The following CEPT1 variants were observed in gnomAD, a reference collection of about 807,000 sequenced individuals.
CEPT1 encodes choline/ethanolaminephosphotransferase 1.
A neutral mutation model predicts 42.6 loss-of-function variants in CEPT1; 7 were observed. The ratio of observed to expected loss-of-function variants is 0.16; its 90% CI spans 0.09 to 0.31. The LOEUF is 0.31. CEPT1 is among the 10% of genes least tolerant of loss of function. The pLI, the probability that CEPT1 is intolerant of heterozygous loss-of-function variation, is 1.00. For synonymous variants in CEPT1, 171 were observed against 171.9 expected (o/e 0.99, Z 0.04); for missense variants, 306 against 502.1 (o/e 0.61, Z 3.73).
intron 3 of CEPT1, chr1:111,160,651 A>G (rs1417410097): frequency 6.6e-6 from 1 of 152,670 alleles, no homozygotes; most frequent in Non-Finnish European, 1.5e-5. Flanking sequence ...CCTATTATTT[A>G]TTTTAAATTG....
Position 111,148,114 on chromosome 1 carries a change from C to T in CEPT1, c.339+61C>T, listed in dbSNP as rs1370835159. ...ATACCAAAAACGTTGTAATTGGGAT[C>T]GTGGGGTCATTTTAACTAAAGATAA... On this transcript the variant is annotated intron_variant, in intron 2 of 8. Coordinates refer to ENST00000357172, the MANE Select transcript of CEPT1 (RefSeq NM_006090.5). 18 of 1,270,130 alleles carry T rather than the reference C, an allele frequency of 1.4e-5. No homozygotes were observed. In the Admixed American group the frequency reaches 2.0e-4, roughly 14 times the overall value. 78.7% of individuals were successfully genotyped at this position (1,270,130 alleles called of 1,614,324 possible).
At position 111,184,847 on chromosome 1, in the gene CEPT1, C is replaced by CTTTTTTT. The variant is rs34173256; in HGVS notation, c.*553_*559dup. 1 of 116,498 alleles carries CTTTTTTT rather than the reference C, an allele frequency of 8.6e-6. No homozygotes were observed. The highest frequency in any genetic ancestry group is 3.2e-5 in the African/African-American group (1 of 31,102). The allele number at this position is 116,498 out of a possible 1,614,324, so 7.2% of individuals were successfully genotyped here. A position where few individuals can be genotyped will look rare whatever the true frequency, so the allele number is the denominator to read the frequency against. On this transcript the variant is annotated 3_prime_UTR_variant, in exon 9 of 9. Coordinates refer to ENST00000357172, the MANE Select transcript of CEPT1 (RefSeq NM_006090.5). ...CTATCTTTACATTGTTGAGGAAGTC[C>CTTTTTTT]TTTTTTTTTTTTTTTTTTTTTTAAT...
chr1:111,157,090 C>T (rs1028234277), intron 2 of CEPT1, among the ~76,000 whole-genome samples: 1 of 152,108 alleles, frequency 6.6e-6, no homozygotes, highest in African/African-American at 2.4e-5. Context: ...TCTTAAAATA[C>T]CTCTGAGAAG....
chr1:111,169,890 G>A (rs1293236097), intron 4 of CEPT1, among the ~76,000 whole-genome samples: 1 of 152,082 alleles, frequency 6.6e-6, no homozygotes, highest in East Asian at 1.9e-4. Flanking sequence ...TCTCTTCAAG[G>A]TTATTTTCTT....
At chr1:111,159,753 C>A in intron 3 of CEPT1, 1 of 358,038 alleles carries the variant, frequency 2.8e-6, no homozygotes, top group Non-Finnish European at 5.0e-6. Flanking sequence ...ATTGTTTTGG[C>A]ATCTTTTGTT....
In CEPT1 at chr1:111,164,865, T is replaced by C. The variant is rs189011038; in HGVS notation, c.629+3569T>C. Among the ~76,000 whole-genome samples the C allele has an allele frequency of 1.7e-4, 26 of 151,478 alleles. No individual in the cohort carries two copies. The East Asian group carries it at 2.0e-3, about 11-fold the overall frequency. ...GTCTCGATCTCCTGACCTCGTGATC[T>C]GCCCACCTTGGCCTCCCAAAGTGCT... is the stretch of plus-strand genomic sequence containing the variant. On this transcript the variant is annotated intron_variant, in intron 4 of 8. Coordinates refer to ENST00000357172, the MANE Select transcript of CEPT1 (RefSeq NM_006090.5).
rs576259960 is a variant in CEPT1, at chr1:111,147,821, T to C, written c.107T>C (p.Phe36Ser). 1 of 1,614,100 alleles carries C rather than the reference T, an allele frequency of 6.2e-7. No individual in the cohort carries two copies. The highest frequency in any genetic ancestry group is 2.2e-5 in the East Asian group (1 of 44,884). Reference sequence around the variant, plus strand: ...ACAGGATGTGTATTAAATAAATTGTTTCAGTTACCAACACCACCATTGTCA... The same window carrying C: ...ACAGGATGTGTATTAAATAAATTGTCTCAGTTACCAACACCACCATTGTCA... ...STTGCVLNKLFQLPTPPLSRH... is the reference protein window; with the variant it reads ...STTGCVLNKLSQLPTPPLSRH... Residue 36 changes from phenylalanine (F) to serine (S), a missense_variant, in exon 2 of 9, where the codon TTT (phenylalanine) becomes TCT (serine). Physicochemically the swap from Phe to Ser is radical, Grantham distance 155. Around this residue, in one of 2 missense-constraint regions of CEPT1, gnomAD observed 53 missense variants for 54.8 expected, o/e 0.97. Transcript: ENST00000357172.
At chr1:111,169,072 A>G (rs955985254) in intron 4 of CEPT1, among the ~76,000 whole-genome samples, 2 of 152,200 alleles carry the variant, frequency 1.3e-5, no homozygotes, top group South Asian at 4.1e-4. Flanking sequence ...TTGTTATACT[A>G]TAATGTTTAG....
intron 4 of CEPT1, among the ~76,000 whole-genome samples, chr1:111,171,373 A>G (rs1219076882): frequency 6.6e-6 from 1 of 152,210 alleles, no homozygotes; most frequent in Non-Finnish European, 1.5e-5. Context: ...CACTCCAACT[A>G]AAGAGATGCT....
intron 1 of CEPT1, among the ~76,000 whole-genome samples, chr1:111,142,381 G>A (rs1375183388): frequency 6.6e-6 from 1 of 152,094 alleles, no homozygotes; most frequent in South Asian, 2.1e-4. Flanking sequence ...CCCTTTTTGA[G>A]TTTCTTAAAG....
intron 4 of CEPT1, among the ~76,000 whole-genome samples, chr1:111,166,561 A>G (rs1656153874): frequency 6.6e-6 from 1 of 152,136 alleles, no homozygotes; most frequent in Non-Finnish European, 1.5e-5. Flanking sequence ...AATAGAAGTT[A>G]CTCTTGATTA....
chr1:111,150,046 G>A (rs1480757587), intron 2 of CEPT1, among the ~76,000 whole-genome samples: 1 of 152,220 alleles, frequency 6.6e-6, no homozygotes, highest in Non-Finnish European at 1.5e-5. Flanking sequence ...CAGAATGGCT[G>A]CTAGGAGGAA....
rs955207339 is a variant in CEPT1 at position 111,185,070 on chromosome 1, G to A, written c.*760G>A. 2.6e-5 allele frequency: 4 copies of A among 152,332 alleles called. No homozygotes were observed. Among genetic ancestry groups the A allele is most frequent in the Non-Finnish European group, 5.9e-5 (4 of 67,942 alleles). The allele number at this position is 152,332 out of a possible 1,614,324, so 9.4% of individuals were successfully genotyped here. A position where few individuals can be genotyped will look rare whatever the true frequency, so the allele number is the denominator to read the frequency against. ...TTAAATTTAAGCAAAATTTATTTCT[G>A]TTCTTTAATAAATAAGAAAATGTGG... On this transcript the variant is annotated 3_prime_UTR_variant, in exon 9 of 9. Transcript: ENST00000357172.
At chr1:111,145,598 A>C (rs944433486) in intron 1 of CEPT1, among the ~76,000 whole-genome samples, 1 of 152,068 alleles carries the variant, frequency 6.6e-6, no homozygotes, top group Non-Finnish European at 1.5e-5. Context: ...GCTGGTACCT[A>C]CTTGTCCATG....
intron 1 of CEPT1, among the ~76,000 whole-genome samples, chr1:111,146,873 ATTG>A (rs1189113817): frequency 6.8e-6 from 1 of 146,838 alleles, no homozygotes; most frequent in Non-Finnish European, 1.5e-5. Flanking sequence ...AATTTTTTTC[ATTG>A]TTGTATATCT....
chr1:111,161,620 C>T (rs75411948), intron 4 of CEPT1, among the ~76,000 whole-genome samples: 4 of 152,210 alleles, frequency 2.6e-5, no homozygotes, highest in African/African-American at 9.6e-5. Flanking sequence ...TTTATTTTCA[C>T]ATATAAAAAT....
rs1655052368 is a variant in CEPT1, at chr1:111,147,778, T to C, written c.64T>C (p.Phe22Leu). The C allele has an allele frequency of 6.2e-7, 1 of 1,614,162 alleles. No individual in the cohort carries two copies. The highest frequency in any genetic ancestry group is 8.5e-7 in the Non-Finnish European group (1 of 1,180,020). ...TTCTCACCCGGAGTCCCCAGTGGGCTTCGGGCATATGAGTACTACAGGATG... is the reference window on the plus strand; with the variant it reads ...TTCTCACCCGGAGTCCCCAGTGGGCCTCGGGCATATGAGTACTACAGGATG... ...GDSHPESPVG[F>L]GHMSTTGCVL... Residue 22 changes from phenylalanine (F) to leucine (L), a missense_variant, in exon 2 of 9, where the codon TTC becomes CTC. This residue lies in a region of CEPT1 where 53 missense variants were observed against 54.8 expected (regional missense o/e 0.97). Coordinates refer to ENST00000357172, the MANE Select transcript of CEPT1 (RefSeq NM_006090.5).
At chr1:111,168,276 G>GA (rs1370476656) in intron 4 of CEPT1, among the ~76,000 whole-genome samples, 1 of 151,814 alleles carries the variant, frequency 6.6e-6, no homozygotes, top group Non-Finnish European at 1.5e-5. Context: ...TTTAGCATAA[G>GA]AAAAAATAGG....
intron 2 of CEPT1, among the ~76,000 whole-genome samples, chr1:111,151,073 G>A (rs1655242911): frequency 6.6e-6 from 1 of 151,994 alleles, no homozygotes; most frequent in Non-Finnish European, 1.5e-5. Flanking sequence ...GCCCTCAGGA[G>A]GTCCTGAGAA....
Sources: gnomAD v4.1 joint callset for allele counts (sites outside exome capture counted in the v4.1 genomes callset) on GRCh38, gnomAD v4.1.1 for gene constraint, gnomAD v4.1.1 regional missense constraint, MANE v1.5 for transcripts, NCBI Gene and HGNC (gene_info 2026-07-23, HGNC 2026-07-21) for gene names.